SLC6A6: variants seen among roughly 807,000 people sequenced by gnomAD.
SLC6A6 encodes sodium- and chloride-dependent taurine transporter.
Under a neutral mutation model 68.8 loss-of-function variants are expected in SLC6A6, and 16 were observed. The observed-to-expected ratio is 0.23, with a 90% CI of 0.16 to 0.35. The LOEUF (loss-of-function observed/expected upper bound fraction) is 0.35, where lower values mean the gene tolerates loss of function less well. SLC6A6 is among the 10% of genes least tolerant of loss of function. The probability of loss-of-function intolerance (pLI) is 1.00; values close to 1 mark genes in which losing one functional copy is unlikely to be tolerated. For missense variants in SLC6A6, 474 were observed against 802.8 expected (o/e 0.59, Z 4.95); for synonymous variants, 312 against 315.4 (o/e 0.99, Z 0.12).
chr3:14,473,835 C>T (rs1246474047), intron 10 of SLC6A6, among the ~76,000 whole-genome samples: 1 of 152,134 alleles, frequency 6.6e-6, no homozygotes, highest in African/African-American at 2.4e-5. Context: ...AAGAAAAAAA[C>T]AAAAACAGAG....
intron 2 of SLC6A6, among the ~76,000 whole-genome samples, chr3:14,420,682 C>G (rs1420527899): frequency 6.6e-6 from 1 of 152,084 alleles, no homozygotes; most frequent in African/African-American, 2.4e-5. Flanking sequence ...CTGGGTCTCA[C>G]TATGTTGCCC....
At chr3:14,475,007 C>T (rs1013810253) in intron 10 of SLC6A6, among the ~76,000 whole-genome samples, 1 of 152,170 alleles carries the variant, frequency 6.6e-6, no homozygotes, top group African/African-American at 2.4e-5. Flanking sequence ...ATGCCTGTTG[C>T]CATCCAGGCT....
intron 1 of SLC6A6, among the ~76,000 whole-genome samples, chr3:14,412,859 G>T (rs1699280333): frequency 6.6e-6 from 1 of 152,222 alleles, no homozygotes; most frequent in Admixed American, 6.5e-5. Context: ...TTTTGCACAT[G>T]AAGACCCGAG....
intron 1 of SLC6A6, among the ~76,000 whole-genome samples, chr3:14,403,932 A>C (rs1313936879): frequency 6.6e-6 from 1 of 152,198 alleles, no homozygotes; most frequent in Non-Finnish European, 1.5e-5. Flanking sequence ...TATTTTGGTC[A>C]CTGTTGGGCC....
rs1699746623 is a variant in SLC6A6, at chr3:14,432,429, G to GA, written c.-11-11194dup. On this transcript the variant is annotated intron_variant, in intron 2 of 14. Coordinates refer to ENST00000622186, the MANE Select transcript of SLC6A6 (RefSeq NM_003043.6). The stretch of plus-strand genomic sequence containing the variant: ...CCTGTCGCTGGTGAGTCAGTGCCAG[G>GA]AGGTGGCTGCCTGCTGACTCACCCA... Among the ~76,000 whole-genome samples, 4 of 152,276 alleles carry GA rather than the reference G, an allele frequency of 2.6e-5. No individual in the cohort carries two copies. The South Asian group carries it at 8.3e-4, about 32-fold the overall frequency.
intron 2 of SLC6A6, among the ~76,000 whole-genome samples, chr3:14,433,841 T>C (rs1357626719): frequency 6.9e-6 from 1 of 145,076 alleles, no homozygotes; most frequent in Non-Finnish European, 1.5e-5. Context: ...CATAAGTACC[T>C]GCAGGGAAAA....
intron 1 of SLC6A6, among the ~76,000 whole-genome samples, chr3:14,413,560 A>G (rs1315667724): frequency 2.0e-5 from 3 of 152,196 alleles, no homozygotes; most frequent in Admixed American, 6.5e-5. Flanking sequence ...AGAATGCAGA[A>G]CCTCAGGCCC....
chr3:14,410,877 G>A (rs1699238783), intron 1 of SLC6A6, among the ~76,000 whole-genome samples: 1 of 152,236 alleles, frequency 6.6e-6, no homozygotes, highest in African/African-American at 2.4e-5. Context: ...TTTCAGCAGA[G>A]TCATGCTTAC....
chr3:14,481,747 T>C lies in SLC6A6; in HGVS notation c.1628T>C (p.Ile543Thr), dbSNP rs141978861. The C allele has an allele frequency of 1.1e-3, 1,713 of 1,613,962 alleles. 24 individuals carry two copies. In the Admixed American group the frequency reaches 0.024, roughly 22 times the overall value. The change falls in exon 14 of 15, where the codon ATT becomes ACT. Residue 543 changes from isoleucine (I) to threonine (T), a missense_variant. By Grantham distance (89) the Ile-to-Thr change is moderately conservative. Transcript: ENST00000622186. This position sits in a 1 kb window ranked among gnomAD's most constrained non-coding sequence, Gnocchi z 4.7. ...ACATACGTGTACCCCAACTGGGCCA[T>C]TGGGCTGGGCTGGAGCCTGGCCCTT... ...NKTYVYPNWAIGLGWSLALSS... is the reference protein window; with the variant it reads ...NKTYVYPNWATGLGWSLALSS...
chr3:14,440,519 T>C (rs1430799653), intron 2 of SLC6A6, among the ~76,000 whole-genome samples: 2 of 151,966 alleles, frequency 1.3e-5, no homozygotes, highest in Non-Finnish European at 2.9e-5. Context: ...GTGAGGAGCC[T>C]GTGTTTTCTT....
chr3:14,441,727 C>T (rs1699993341), intron 2 of SLC6A6, among the ~76,000 whole-genome samples: 1 of 152,256 alleles, frequency 6.6e-6, no homozygotes, highest in Non-Finnish European at 1.5e-5. Context: ...GCAGCTACTG[C>T]CTCACCCTGC....
Position 14,481,430 on chromosome 3 carries a change from G to A in SLC6A6, c.1552-241G>A, listed in dbSNP as rs1300237608. On this transcript the variant is annotated intron_variant, in intron 13 of 14. Transcript: ENST00000622186. This position sits in a 1 kb window ranked among gnomAD's most constrained non-coding sequence, Gnocchi z 4.7. The stretch of plus-strand genomic sequence containing the variant: ...CTGACACTCCCGGCTGCACCGAGGA[G>A]TTTGGGCTGCATCTGCTGGCACTGG... Among the ~76,000 whole-genome samples, 1 of 152,176 alleles carries A rather than the reference G, an allele frequency of 6.6e-6. No homozygotes were observed. Among genetic ancestry groups the A allele is most frequent in the Admixed American group, 6.5e-5 (1 of 15,282 alleles).
chr3:14,456,037 C>T lies in SLC6A6; in HGVS notation c.600-1913C>T, dbSNP rs1574948544. On this transcript the variant is annotated intron_variant, in intron 5 of 14. Coordinates refer to ENST00000622186, the MANE Select transcript of SLC6A6 (RefSeq NM_003043.6). ...AGAGAGCACTGGTTTTGGAGTCAGACAGGTGTGGGCTTGGGGTGGCAGCTC... is the reference window on the plus strand; with the variant it reads ...AGAGAGCACTGGTTTTGGAGTCAGATAGGTGTGGGCTTGGGGTGGCAGCTC... 2.0e-5 allele frequency among the ~76,000 whole-genome samples: 3 copies of T among 152,310 alleles called. No individual in the cohort carries two copies. In the South Asian group the frequency reaches 6.2e-4, roughly 32 times the overall value.
At chr3:14,444,843 G>A (rs895248774) in intron 3 of SLC6A6, 7 of 455,974 alleles carry the variant, frequency 1.5e-5, no homozygotes, top group Non-Finnish European at 2.2e-5. Context: ...TTATGGACCC[G>A]CTGAAGCCAT....
At position 14,477,092 on chromosome 3, in the gene SLC6A6, G is replaced by A. The variant is rs1259903303; in HGVS notation, c.1210-113G>A. ...TCTCACAGGCCAATTCTGGACACAA[G>A]GATGGTCACGTCTGCTCCTGCATTG... is the stretch of plus-strand genomic sequence containing the variant. On this transcript the variant is annotated intron_variant, in intron 10 of 14. Transcript: ENST00000622186. The surrounding 1 kb of genome is among the most constrained non-coding windows in gnomAD (Gnocchi z 4.2). The A allele has an allele frequency of 3.1e-6, 3 of 979,906 alleles. No individual in the cohort carries two copies. In the African/African-American group the frequency reaches 4.9e-5, roughly 16 times the overall value. 60.7% of individuals were successfully genotyped at this position (979,906 alleles called of 1,614,324 possible).
In SLC6A6 at chr3:14,465,533, T is replaced by A. The variant is rs75351049; in HGVS notation, c.733-983T>A. ...AGTGGCAGTGTTACAAGCATCATCCTATTGAATCCTCAGCTCACCCCTTGT... is the reference window on the plus strand; with the variant it reads ...AGTGGCAGTGTTACAAGCATCATCCAATTGAATCCTCAGCTCACCCCTTGT... On this transcript the variant is annotated intron_variant, in intron 6 of 14. Transcript: ENST00000622186. Among the ~76,000 whole-genome samples, 185 of 152,348 alleles carry A rather than the reference T, an allele frequency of 1.2e-3. 1 individual carries two copies. The highest frequency in any genetic ancestry group is 4.2e-3 in the African/African-American group (176 of 41,578).
intron 9 of SLC6A6, among the ~76,000 whole-genome samples, chr3:14,471,365 C>T (rs1191501124): frequency 6.6e-6 from 1 of 152,138 alleles, no homozygotes; most frequent in Non-Finnish European, 1.5e-5. Context: ...CTATCCAAGT[C>T]CCTTCTTTTG....
chr3:14,431,193 C>T (rs1287168151), intron 2 of SLC6A6, among the ~76,000 whole-genome samples: 2 of 152,218 alleles, frequency 1.3e-5, no homozygotes, highest in African/African-American at 4.8e-5. Context: ...TCCTGGTCCA[C>T]CCTTCCCCAC....
At chr3:14,418,290 G>T (rs1699410110) in intron 2 of SLC6A6, among the ~76,000 whole-genome samples, 1 of 152,200 alleles carries the variant, frequency 6.6e-6, no homozygotes, top group African/African-American at 2.4e-5. Context: ...GTTCGGATTG[G>T]TTGGAGTGGG....
Sources: gnomAD v4.1 joint callset for allele counts (sites outside exome capture counted in the v4.1 genomes callset) on GRCh38, gnomAD v4.1.1 for gene constraint, Gnocchi (gnomAD v3.1) non-coding constraint, MANE v1.5 for transcripts, NCBI Gene and HGNC (gene_info 2026-07-23, HGNC 2026-07-21) for gene names.